PPM1L: variants seen among roughly 807,000 people sequenced by gnomAD.
PPM1L encodes protein phosphatase, Mg2+/Mn2+ dependent 1L, also known as protein phosphatase 1L.
In PPM1L, 13 loss-of-function variants were observed where a neutral mutation model predicts 31.4. The ratio of observed to expected loss-of-function variants is 0.41; its 90% CI spans 0.27 to 0.66. The LOEUF is 0.66. Among genes scored for constraint, PPM1L ranks in the 30% least tolerant of loss-of-function variants. PPM1L has a pLI of 0.29. For missense variants in PPM1L, 326 were observed against 453.7 expected (o/e 0.72, Z 2.56); for synonymous variants, 184 against 175.4 (o/e 1.05, Z -0.39).
intron 1 of PPM1L, among the ~76,000 whole-genome samples, chr3:160,772,290 G>C (rs1224095110): frequency 6.6e-6 from 1 of 152,176 alleles, no homozygotes; most frequent in Non-Finnish European, 1.5e-5. Context: ...AACAGATTTA[G>C]ACATGAAACA....
chr3:161,012,613 CT>C (rs1353583306), intron 2 of PPM1L, among the ~76,000 whole-genome samples: 3 of 151,710 alleles, frequency 2.0e-5, no homozygotes, highest in Non-Finnish European at 4.4e-5. Flanking sequence ...CTCCTTGTAC[CT>C]CTGGTAGAAT....
intron 1 of PPM1L, among the ~76,000 whole-genome samples, chr3:160,902,276 A>G (rs576437487): frequency 6.6e-6 from 1 of 152,282 alleles, no homozygotes; most frequent in South Asian, 2.1e-4. Context: ...ACTATCTGCT[A>G]TGAATATATA....
intron 1 of PPM1L, among the ~76,000 whole-genome samples, chr3:160,810,859 TTGA>T (rs954261459): frequency 2.6e-5 from 4 of 152,216 alleles, no homozygotes; most frequent in African/African-American, 9.6e-5. Context: ...TTAGGTTGAC[TTGA>T]TGGTGGTTGC....
chr3:160,947,907 A>C (rs1715459831), intron 1 of PPM1L, among the ~76,000 whole-genome samples: 1 of 152,186 alleles, frequency 6.6e-6, no homozygotes, highest in South Asian at 2.1e-4. Flanking sequence ...TAATTGGCCC[A>C]AAAGCAGCCA....
intron 2 of PPM1L, among the ~76,000 whole-genome samples, chr3:161,049,554 G>C (rs1297476667): frequency 2.0e-5 from 3 of 152,122 alleles, no homozygotes; most frequent in Admixed American, 6.5e-5. Context: ...TCAGACCTGG[G>C]TTCAAAATCT....
intron 1 of PPM1L, among the ~76,000 whole-genome samples, chr3:160,810,777 C>A (rs911109881): frequency 1.3e-5 from 2 of 152,204 alleles, no homozygotes; most frequent in Non-Finnish European, 2.9e-5. Context: ...ATAGCAAAAT[C>A]TGAATGTCGT....
At chr3:160,758,606 A>C (rs1714879616) in intron 1 of PPM1L, among the ~76,000 whole-genome samples, 4 of 151,330 alleles carry the variant, frequency 2.6e-5, no homozygotes, top group Admixed American at 2.6e-4. Context: ...GGGTGATTTA[A>C]TTTTTTTTTC....
chr3:160,847,146 A>G (rs931537384), intron 1 of PPM1L, among the ~76,000 whole-genome samples: 3 of 152,114 alleles, frequency 2.0e-5, no homozygotes, highest in African/African-American at 7.2e-5. Flanking sequence ...GTCAAATCAC[A>G]CTGTTTCTTC....
intron 1 of PPM1L, among the ~76,000 whole-genome samples, chr3:160,803,493 C>T (rs1712498130): frequency 9.8e-6 from 1 of 101,530 alleles, no homozygotes. Flanking sequence ...TGCCTTATGG[C>T]TCCACTTAGA....
intron 2 of PPM1L, among the ~76,000 whole-genome samples, chr3:160,975,882 T>C (rs1402501874): frequency 1.4e-5 from 2 of 146,698 alleles, no homozygotes; most frequent in African/African-American, 2.5e-5. Context: ...TCCTGCCTAA[T>C]TGCCCTGGCC....
intron 1 of PPM1L, among the ~76,000 whole-genome samples, chr3:160,829,670 A>T (rs190549678): frequency 1.6e-4 from 24 of 152,264 alleles, no homozygotes; most frequent in Admixed American, 3.9e-4. Context: ...CTGCAGGTAG[A>T]CAGGCTGGAA....
chr3:160,957,376 G>A (rs899033977), intron 1 of PPM1L, among the ~76,000 whole-genome samples: 1 of 152,116 alleles, frequency 6.6e-6, no homozygotes, highest in African/African-American at 2.4e-5. Context: ...GCGAGCATGT[G>A]TCTTTATAAT....
At chr3:160,863,921 A>G (rs1711993211) in intron 1 of PPM1L, among the ~76,000 whole-genome samples, 1 of 152,154 alleles carries the variant, frequency 6.6e-6, no homozygotes. Flanking sequence ...GTCTAAATGA[A>G]TATTTGAGAT....
At chr3:161,032,946 G>A (rs905023676) in intron 2 of PPM1L, among the ~76,000 whole-genome samples, 1 of 149,580 alleles carries the variant, frequency 6.7e-6, no homozygotes, top group African/African-American at 2.5e-5. Context: ...CCTGACCTGA[G>A]GTGATCCACC....
At chr3:160,812,410 G>A (rs1221907655) in intron 1 of PPM1L, among the ~76,000 whole-genome samples, 1 of 152,104 alleles carries the variant, frequency 6.6e-6, no homozygotes, top group Non-Finnish European at 1.5e-5. Flanking sequence ...CAGTATTGCT[G>A]CTTTATACCA....
chr3:160,846,856 T>C (rs1451088152), intron 1 of PPM1L, among the ~76,000 whole-genome samples: 13 of 152,164 alleles, frequency 8.5e-5, no homozygotes, highest in African/African-American at 3.1e-4. Flanking sequence ...TGTTAATTGC[T>C]TATTATTTAT....
intron 2 of PPM1L, among the ~76,000 whole-genome samples, chr3:160,987,413 AT>A (rs1716999283): frequency 6.6e-6 from 1 of 152,180 alleles, no homozygotes; most frequent in African/African-American, 2.4e-5. Context: ...AACAAGAACT[AT>A]ACGTGAAAAT....
intron 1 of PPM1L, among the ~76,000 whole-genome samples, chr3:160,844,600 G>A (rs1714014342): frequency 6.6e-6 from 1 of 152,032 alleles, no homozygotes; most frequent in Admixed American, 6.6e-5. Flanking sequence ...TTCTGCAGAG[G>A]AAAAGTTTTT....
At chr3:160,934,242 C>T (rs1481958380) in intron 1 of PPM1L, among the ~76,000 whole-genome samples, 4 of 152,176 alleles carry the variant, frequency 2.6e-5, no homozygotes, top group Non-Finnish European at 4.4e-5. Flanking sequence ...CTCCCCACCC[C>T]AAATACTTTT....
Sources: allele counts gnomAD v4.1 joint callset (sites outside exome capture counted in the v4.1 genomes callset), GRCh38; gene constraint gnomAD v4.1.1; transcripts MANE v1.5; gene names NCBI Gene and HGNC (gene_info 2026-07-23, HGNC 2026-07-21).